The following ANKFY1 variants were observed in gnomAD, a reference collection of about 807,000 sequenced individuals.
ANKFY1 encodes the protein ankyrin repeat and FYVE domain-containing protein 1.
ANKFY1 carries 47 observed loss-of-function variants against 128.3 expected under a neutral mutation model. That is an observed-to-expected ratio of 0.37 (90% CI 0.29 to 0.47). The LOEUF (loss-of-function observed/expected upper bound fraction) is 0.47. Ranked by LOEUF, ANKFY1 falls within the 20% of genes least tolerant of loss-of-function variation. The pLI is 1.00. For missense variants in ANKFY1, 1,222 were observed against 1,510.6 expected (o/e 0.81, Z 3.17); for synonymous variants, 553 against 601.6 (o/e 0.92, Z 1.18).
rs1413390461 is a variant in ANKFY1 at position 4,222,317 on chromosome 17, A to G, written c.323-5199T>C. 4.1e-6 allele frequency: 3 copies of G among 726,966 alleles called. No homozygotes were observed. In the African/African-American group the frequency reaches 5.2e-5, roughly 13 times the overall value. 45.0% of individuals were successfully genotyped at this position (726,966 alleles called of 1,614,324 possible). A position where few individuals can be genotyped will look rare whatever the true frequency, so the allele number is the denominator to read the frequency against. The stretch of plus-strand genomic sequence containing the variant: ...GAGGTGCACCGGCTGATCGGTCTTG[A>G]TGCAGAACTTTATTATGTGACAAAT... On this transcript the variant is annotated intron_variant, in intron 3 of 24. Coordinates refer to ENST00000341657, the MANE Select transcript of ANKFY1 (RefSeq NM_001330063.2).
chr17:4,236,875 C>T (rs1421540947), intron 2 of ANKFY1, among the ~76,000 whole-genome samples: 1 of 152,086 alleles, frequency 6.6e-6, no homozygotes, highest in Non-Finnish European at 1.5e-5. Flanking sequence ...CGTGGGGGCT[C>T]ACACCTGAAA....
chr17:4,248,663 A>G (rs1405104022), intron 1 of ANKFY1, among the ~76,000 whole-genome samples: 1 of 152,140 alleles, frequency 6.6e-6, no homozygotes, highest in Admixed American at 6.5e-5. Flanking sequence ...TTGAAAAGCA[A>G]GCCTAGAAAT....
At chr17:4,186,402 C>T (rs1452433790) in intron 11 of ANKFY1, 1 of 152,580 alleles carries the variant, frequency 6.6e-6, no homozygotes, top group African/African-American at 2.4e-5. Context: ...TTCACTCCCA[C>T]TGCCTCACTT....
chr17:4,168,145 T>G (rs974716013), intron 24 of ANKFY1: 8 of 423,002 alleles, frequency 1.9e-5, no homozygotes, highest in African/African-American at 1.2e-4. Context: ...TTTTTTTTTT[T>G]TTTTTGGAAG....
chr17:4,263,380 C>A (rs1968525896), intron 1 of ANKFY1, among the ~76,000 whole-genome samples: 1 of 152,200 alleles, frequency 6.6e-6, no homozygotes, highest in African/African-American at 2.4e-5. Context: ...CATCTGTACG[C>A]CTGGCCTGAA....
Position 4,163,919 on chromosome 17 carries a change from T to G in ANKFY1, c.*3860A>C, listed in dbSNP as rs1464045954. ...TCCACTTTAAATGCACAATTTTACT[T>G]CATTTTATTATAAGGAATTGTTACA... On this transcript the variant is annotated 3_prime_UTR_variant, in exon 25 of 25. Coordinates refer to ENST00000341657, the MANE Select transcript of ANKFY1 (RefSeq NM_001330063.2). 1 of 152,682 alleles carries G rather than the reference T, an allele frequency of 6.5e-6. No homozygotes were observed. Among genetic ancestry groups the G allele is most frequent in the African/African-American group, 2.4e-5 (1 of 41,466 alleles). 9.5% of individuals were successfully genotyped at this position (152,682 alleles called of 1,614,324 possible). A position where few individuals can be genotyped will look rare whatever the true frequency, so the allele number is the denominator to read the frequency against.
intron 7 of ANKFY1, among the ~76,000 whole-genome samples, chr17:4,202,683 C>T (rs1228340570): frequency 2.1e-5 from 2 of 93,108 alleles, no homozygotes; most frequent in Non-Finnish European, 3.9e-5. Context: ...GGCGACAGAG[C>T]GAAACTCCGT....
In ANKFY1 at chr17:4,260,002, G is replaced by A. The variant is rs560967072; in HGVS notation, c.10+3930C>T. 8.5e-5 allele frequency among the ~76,000 whole-genome samples: 13 copies of A among 152,254 alleles called. No homozygotes were observed. The South Asian group carries it at 1.7e-3, about 19-fold the overall frequency. ...AAAGACGCAGAGGTAGCAGCATGTC[G>A]GGCACACACAAAGAACGCAAAAAAG... On this transcript the variant is annotated intron_variant, in intron 1 of 24. Coordinates refer to ENST00000341657, the MANE Select transcript of ANKFY1 (RefSeq NM_001330063.2).
chr17:4,239,742 T>C (rs1967105622), intron 2 of ANKFY1, among the ~76,000 whole-genome samples: 1 of 152,130 alleles, frequency 6.6e-6, no homozygotes, highest in Non-Finnish European at 1.5e-5. Context: ...TTTCCTCATG[T>C]TGGTCAGTCT....
rs765440027 is a variant in ANKFY1, at chr17:4,177,251, T to A, written c.2650A>T (p.Ile884Phe). 1 of 1,604,322 alleles carries A rather than the reference T, an allele frequency of 6.2e-7. No homozygotes were observed. The highest frequency in any genetic ancestry group is 8.5e-7 in the Non-Finnish European group (1 of 1,175,418). The change falls in exon 19 of 25, where the codon ATT becomes TTT. Residue 884 changes from isoleucine (I) to phenylalanine (F), a missense_variant. By Grantham distance (21) the Ile-to-Phe change is conservative (BLOSUM62 0). Transcript: ENST00000341657. ...FLHVAVQNSD[I>F]ESVLFLISVH... The stretch of plus-strand genomic sequence containing the variant: ...CTGATCAGGAACAGCACACTTTCAA[T>A]ATCAGAGTTCTGAACTGCCACATGA...
rs1389821372 is a variant in ANKFY1, at chr17:4,184,878, G to C, written c.1639C>G (p.Leu547Val). 1 of 1,613,924 alleles carries C rather than the reference G, an allele frequency of 6.2e-7. No homozygotes were observed. The highest frequency in any genetic ancestry group is 8.5e-7 in the Non-Finnish European group (1 of 1,180,058). The change falls in exon 12 of 25, where the codon CTG (leucine) becomes GTG (valine). Residue 547 changes from leucine to valine, a missense_variant. Coordinates refer to ENST00000341657, the MANE Select transcript of ANKFY1 (RefSeq NM_001330063.2). ...TGGTTATAGGCGATCGCCATGTGCA[G>C]TGGCGTCTGCAGATGGACGCTGTCC... ...LADSVHLQTP[L>V]HMAIAYNHPD...
chr17:4,208,166 C>CA, intron 5 of ANKFY1, 84 bp from the exon 6 acceptor site: 3 of 1,355,080 alleles, frequency 2.2e-6, no homozygotes, highest in Middle Eastern at 2.4e-4. Flanking sequence ...TCAAATGCAT[C>CA]AGTCAGGCCC....
intron 12 of ANKFY1, 140 bp downstream of exon 12, chr17:4,184,678 G>A (rs1437556677): frequency 1.1e-6 from 1 of 895,448 alleles, no homozygotes; most frequent in Non-Finnish European, 1.8e-6. Context: ...TGCTTCTCTA[G>A]TTTGACCTGA....
chr17:4,204,235 G>T (rs1260397756), intron 7 of ANKFY1, among the ~76,000 whole-genome samples: 1 of 152,212 alleles, frequency 6.6e-6, no homozygotes, highest in Non-Finnish European at 1.5e-5. Flanking sequence ...AGCGATGAAT[G>T]GCAGGGTTGA....
intron 10 of ANKFY1, among the ~76,000 whole-genome samples, chr17:4,193,342 A>G (rs1409954211): frequency 6.6e-6 from 1 of 151,376 alleles, no homozygotes; most frequent in Non-Finnish European, 1.5e-5. Flanking sequence ...TGCAGCCTCC[A>G]ACTCCTGGCC....
intron 11 of ANKFY1, chr17:4,188,066 G>C (rs1366452798): frequency 6.6e-6 from 1 of 152,416 alleles, no homozygotes; most frequent in Non-Finnish European, 1.5e-5. Flanking sequence ...AAGAGACAGA[G>C]ACACACGATG....
chr17:4,256,196 A>G (rs1223747157), intron 1 of ANKFY1, among the ~76,000 whole-genome samples: 1 of 152,054 alleles, frequency 6.6e-6, no homozygotes, highest in Non-Finnish European at 1.5e-5. Context: ...TGGGAGGCCA[A>G]GGCGGGCGGA....
chr17:4,211,313 C>T (rs926609709), intron 4 of ANKFY1, among the ~76,000 whole-genome samples: 6 of 151,280 alleles, frequency 4.0e-5, no homozygotes, highest in South Asian at 2.1e-4. Context: ...ACAAGAATCA[C>T]GTGAACCCGG....
At chr17:4,183,724 T>C in intron 13 of ANKFY1, 88 bp downstream of exon 13, 1 of 1,451,134 alleles carries the variant, frequency 6.9e-7, no homozygotes, top group Non-Finnish European at 9.5e-7. Flanking sequence ...CCCAGTCTCC[T>C]CTTTCTTTCT....
Sources: allele counts gnomAD v4.1 joint callset (sites outside exome capture counted in the v4.1 genomes callset), GRCh38; gene constraint gnomAD v4.1.1; transcripts MANE v1.5; gene names NCBI Gene and HGNC (gene_info 2026-07-23, HGNC 2026-07-21).